Variants in ZNF519 observed in about 807,000 individuals in gnomAD.
ZNF519 encodes zinc finger protein 519.
In ZNF519, 7 loss-of-function variants were observed where a neutral mutation model predicts 7.4. The observed-to-expected ratio is 0.94, with a 90% CI of 0.54 to 1.77. The LOEUF is 1.77. Ranked by LOEUF, ZNF519 falls within the 40% of genes most tolerant of loss-of-function variation. The probability of loss-of-function intolerance (pLI) is 0.00; values close to 1 mark genes in which losing one functional copy is unlikely to be tolerated. For missense variants in ZNF519, 586 were observed against 623.1 expected (o/e 0.94, Z 0.63); for synonymous variants, 179 against 203.3 (o/e 0.88, Z 1.02).
chr18:14,114,626 A>T (rs2046237194), intron 2 of ZNF519, among the ~76,000 whole-genome samples: 1 of 152,128 alleles, frequency 6.6e-6, no homozygotes, highest in Admixed American at 6.6e-5. Context: ...TCATGGAGGG[A>T]GAGAGCAGAA....
At chr18:14,109,117 CAAA>C (rs1394519344) in intron 2 of ZNF519, among the ~76,000 whole-genome samples, 1 of 117,340 alleles carries the variant, frequency 8.5e-6, no homozygotes, top group Non-Finnish European at 1.8e-5. Context: ...AACTCCGTCT[CAAA>C]AAAAAAAAAA....
rs542144483 is a variant in ZNF519, at chr18:14,113,926, T to G, written c.131-7517A>C. On this transcript the variant is annotated intron_variant, in intron 2 of 2. Coordinates refer to ENST00000590202, the MANE Select transcript of ZNF519 (RefSeq NM_145287.4). ...AGCACCTTGTCACATGCACTGTTATTCGTATGCCCTCTTTAGAGAAATGTC... is the reference window on the plus strand; with the variant it reads ...AGCACCTTGTCACATGCACTGTTATGCGTATGCCCTCTTTAGAGAAATGTC... Among the ~76,000 whole-genome samples, 4 of 152,290 alleles carry G rather than the reference T, an allele frequency of 2.6e-5. No individual in the cohort carries two copies. The East Asian group carries it at 7.7e-4, about 29-fold the overall frequency.
downstream of ZNF519, among the ~76,000 whole-genome samples, chr18:14,098,225 A>G (rs751477093): frequency 1.1e-4 from 16 of 151,404 alleles, no homozygotes; most frequent in Non-Finnish European, 2.2e-4. Flanking sequence ...CTGTGGCACA[A>G]TCTTGGCTCA....
chr18:14,128,690 AACACACACACAC>A (rs71366097), intron 1 of ZNF519, among the ~76,000 whole-genome samples: 21 of 130,586 alleles, frequency 1.6e-4, no homozygotes, highest in African/African-American at 5.1e-4. Flanking sequence ...TTCTGAGTCA[AACACACACACAC>A]ACACACACAC....
chr18:14,121,172 CTGAGGGTGGGAATA>C (rs1175601870), intron 2 of ZNF519, among the ~76,000 whole-genome samples: 1 of 151,928 alleles, frequency 6.6e-6, no homozygotes, highest in Non-Finnish European at 1.5e-5. Flanking sequence ...TTGTTAGTGC[CTGAGGGTGGGAATA>C]TGAGATGTTG....
chr18:14,119,897 T>C (rs2046262698), intron 2 of ZNF519, among the ~76,000 whole-genome samples: 2 of 152,178 alleles, frequency 1.3e-5, no homozygotes, highest in South Asian at 4.1e-4. Flanking sequence ...ATACATTAAA[T>C]ACAGTAAGAT....
intron 1 of ZNF519, among the ~76,000 whole-genome samples, chr18:14,130,426 T>A (rs961732316): frequency 2.0e-5 from 3 of 152,146 alleles, no homozygotes; most frequent in African/African-American, 7.2e-5. Flanking sequence ...TTTCTGCCTA[T>A]CCTTTGAGAT....
rs1324581915 is a variant in ZNF519, at chr18:14,105,838, C to T, written c.702G>A (p.Glu234=). 24 of 1,603,148 alleles carry T rather than the reference C, an allele frequency of 1.5e-5. No homozygotes were observed. The highest frequency in any genetic ancestry group is 1.9e-5 in the Non-Finnish European group (22 of 1,176,704). ...ATTTTTTATTACATCTTTGTGAGCTCTCTCCAATATAAATTCTTTGATGTT... is the reference window on the plus strand; with the variant it reads ...ATTTTTTATTACATCTTTGTGAGCTTTCTCCAATATAAATTCTTTGATGTT... ...LTQHQRIYIG[E]SSQRCNKKCI... The change falls in exon 3 of 3, where the codon GAG becomes GAA. Residue 234 remains glutamate (E), a synonymous_variant. Transcript: ENST00000590202.
chr18:14,109,730 A>C (rs1189808282), intron 2 of ZNF519, among the ~76,000 whole-genome samples: 1 of 152,140 alleles, frequency 6.6e-6, no homozygotes, highest in Non-Finnish European at 1.5e-5. Flanking sequence ...TTATAACTAA[A>C]AGTGTCTACA....
Position 14,104,182 on chromosome 18 carries a change from G to C in ZNF519, c.*735C>G, listed in dbSNP as rs2046175981. On this transcript the variant is annotated 3_prime_UTR_variant, in exon 3 of 3. Transcript: ENST00000590202. ...AGGACTTCTAACTTGCTGCTATGAA[G>C]ATACATTAGAATATTAATGGACTAG... 1 of 152,146 alleles carries C rather than the reference G, an allele frequency of 6.6e-6. No homozygotes were observed. Among genetic ancestry groups the C allele is most frequent in the South Asian group, 2.1e-4 (1 of 4,830 alleles). The allele number at this position is 152,146 out of a possible 1,614,324, so 9.4% of individuals were successfully genotyped here. A position where few individuals can be genotyped will look rare whatever the true frequency, so the allele number is the denominator to read the frequency against.
downstream of ZNF519, chr18:14,073,117 A>G (rs1428717193): frequency 6.6e-6 from 1 of 152,200 alleles, no homozygotes; most frequent in African/African-American, 2.4e-5. Context: ...TATGCCAGCA[A>G]TGATAAATAT....
chr18:14,107,917 G>T (rs1212997573), intron 2 of ZNF519, among the ~76,000 whole-genome samples: 1 of 152,072 alleles, frequency 6.6e-6, no homozygotes, highest in Non-Finnish European at 1.5e-5. Context: ...CAGTACAACA[G>T]AAAACGAAGT....
At chr18:14,071,414 A>T (rs2046027774), downstream of ZNF519, 1 of 152,196 alleles carries the variant, frequency 6.6e-6, no homozygotes. Context: ...TCCTTTTAGC[A>T]TGAAAAGACA....
chr18:14,129,610 A>C (rs2046319754), intron 1 of ZNF519, among the ~76,000 whole-genome samples: 1 of 152,098 alleles, frequency 6.6e-6, no homozygotes, highest in Non-Finnish European at 1.5e-5. Flanking sequence ...CTTTCTTCTG[A>C]CACAAAACGT....
At chr18:14,090,677 T>G (rs992230526) in intron 2 of ZNF519, 11 of 152,260 alleles carry the variant, frequency 7.2e-5, no homozygotes, top group Admixed American at 5.9e-4. Context: ...AGCCCCTTCC[T>G]GGGCTGGAGT....
At chr18:14,126,671 T>C (rs1489850018) in intron 1 of ZNF519, among the ~76,000 whole-genome samples, 1 of 152,252 alleles carries the variant, frequency 6.6e-6, no homozygotes, top group African/African-American at 2.4e-5. Flanking sequence ...ATTGACCAGT[T>C]TGAGTCTCCA....
At chr18:14,071,773 T>C (rs528049192), downstream of ZNF519, 3 of 152,310 alleles carry the variant, frequency 2.0e-5, no homozygotes, top group East Asian at 5.8e-4. Flanking sequence ...CTCAGACACA[T>C]ATGCATTATC....
Position 14,101,470 on chromosome 18 carries a change from T to C in ZNF519, c.*3447A>G, listed in dbSNP as rs544612302. ...ATTCTTACAAATATGTGAAAGCCGATTGTACACCTGAACAGTGCTGGGGTG... is the reference window on the plus strand; with the variant it reads ...ATTCTTACAAATATGTGAAAGCCGACTGTACACCTGAACAGTGCTGGGGTG... On this transcript the variant is annotated 3_prime_UTR_variant, in exon 3 of 3. Transcript: ENST00000590202. 24 of 394,344 alleles carry C rather than the reference T, an allele frequency of 6.1e-5. No individual in the cohort carries two copies. Among genetic ancestry groups the C allele is most frequent in the African/African-American group, 3.1e-4 (15 of 48,648 alleles). The allele number at this position is 394,344 out of a possible 1,614,324, so 24.4% of individuals were successfully genotyped here.
downstream of ZNF519, among the ~76,000 whole-genome samples, chr18:14,097,625 T>TA (rs2046142265): frequency 1.3e-5 from 2 of 152,274 alleles, no homozygotes; most frequent in South Asian, 4.2e-4. Context: ...TTTAGAATGG[T>TA]AAAATCAAGG....
Sources: allele counts gnomAD v4.1 joint callset (sites outside exome capture counted in the v4.1 genomes callset), GRCh38; gene constraint gnomAD v4.1.1; transcripts MANE v1.5; gene names NCBI Gene and HGNC (gene_info 2026-07-23, HGNC 2026-07-21).